The following PRKN variants were observed in gnomAD, a reference collection of about 807,000 sequenced individuals.
PRKN encodes E3 ubiquitin-protein ligase parkin.
In PRKN, 56 loss-of-function variants were observed where a neutral mutation model predicts 59.5. The observed-to-expected ratio is 0.94, with a 90% confidence interval of 0.76 to 1.18. The LOEUF is 1.18. Ranked by LOEUF, PRKN falls within the 50% of genes most tolerant of loss-of-function variation. The probability of loss-of-function intolerance (pLI) is 0.00; values close to 1 mark genes in which losing one functional copy is unlikely to be tolerated. For synonymous variants in PRKN, 250 were observed against 222.1 expected (o/e 1.13, Z -1.12); for missense variants, 657 against 596.4 (o/e 1.10, Z -1.06).
rs1784422742 is a variant in PRKN, at chr6:161,348,865, CT to C, written c.*1233del. On this transcript the variant is annotated 3_prime_UTR_variant, in exon 12 of 12. Coordinates refer to ENST00000366898, the MANE Select transcript of PRKN (RefSeq NM_004562.3). This position sits in a 1 kb window ranked among gnomAD's most constrained non-coding sequence, Gnocchi z 4.9. ...GTTTGCCGCATGCAGTGTTGTTAAT[CT>C]TTTGATTGTGTTGTGAATGGCTGAA... The C allele has an allele frequency of 4.8e-6, 1 of 206,320 alleles. No individual in the cohort carries two copies. The highest frequency in any genetic ancestry group is 6.0e-5 in the Admixed American group (1 of 16,772). The allele number at this position is 206,320 out of a possible 1,614,324, so 12.8% of individuals were successfully genotyped here. A position where few individuals can be genotyped will look rare whatever the true frequency, so the allele number is the denominator to read the frequency against.
chr6:161,507,117 T>C (rs1157547737), intron 9 of PRKN, among the ~76,000 whole-genome samples: 1 of 152,170 alleles, frequency 6.6e-6, no homozygotes, highest in Non-Finnish European at 1.5e-5. Context: ...ATTCCTCTCT[T>C]CCTAAACAAC....
At position 161,371,789 on chromosome 6, in the gene PRKN, C is replaced by A. The variant is rs890797519; in HGVS notation, c.1168-11584G>T. Among the ~76,000 whole-genome samples, 2 of 152,142 alleles carry A rather than the reference C, an allele frequency of 1.3e-5. No homozygotes were observed. The highest frequency in any genetic ancestry group is 1.5e-5 in the Non-Finnish European group (1 of 68,022). On this transcript the variant is annotated intron_variant, in intron 10 of 11. Transcript: ENST00000366898. The surrounding 1 kb of genome is among the most constrained non-coding windows in gnomAD (Gnocchi z 5.5). Reference sequence around the variant, plus strand: ...GAGTAGCTGGGATTACAGGCATGCACCACCCCACCTCGCTAATTTTTGTAT... The same window carrying A: ...GAGTAGCTGGGATTACAGGCATGCAACACCCCACCTCGCTAATTTTTGTAT...
chr6:162,292,746 T>C (rs1237428330), intron 2 of PRKN, among the ~76,000 whole-genome samples: 1 of 152,142 alleles, frequency 6.6e-6, no homozygotes, highest in African/African-American at 2.4e-5. Context: ...CCAGGATCAG[T>C]TCTTTCGGTA....
chr6:162,079,264 G>A (rs530403166), intron 4 of PRKN, among the ~76,000 whole-genome samples: 3 of 152,204 alleles, frequency 2.0e-5, no homozygotes, highest in South Asian at 2.1e-4. Context: ...AAGCAAGGAC[G>A]ATAGTTGGGA....
chr6:162,384,027 A>G (rs1231910470), intron 2 of PRKN, among the ~76,000 whole-genome samples: 1 of 152,216 alleles, frequency 6.6e-6, no homozygotes, highest in Non-Finnish European at 1.5e-5. Context: ...TCTTGGCTCA[A>G]TGGAATGTTG....
intron 1 of PRKN, among the ~76,000 whole-genome samples, chr6:162,474,795 G>A (rs1378568044): frequency 1.3e-5 from 2 of 152,108 alleles, no homozygotes; most frequent in African/African-American, 2.4e-5. Flanking sequence ...CAGAGATAAG[G>A]CTACTGAAAA....
At chr6:162,109,425 G>A (rs1302420859) in intron 4 of PRKN, among the ~76,000 whole-genome samples, 1 of 152,160 alleles carries the variant, frequency 6.6e-6, no homozygotes, top group East Asian at 1.9e-4. Context: ...CAGAAATTCA[G>A]GACTTTATAC....
chr6:161,537,731 G>A (rs574946006), intron 9 of PRKN, among the ~76,000 whole-genome samples: 132 of 152,310 alleles, frequency 8.7e-4, no homozygotes, highest in Non-Finnish European at 1.3e-3. Flanking sequence ...GATTACAGGC[G>A]TGAGCCACTG....
intron 5 of PRKN, among the ~76,000 whole-genome samples, chr6:162,035,757 A>G (rs2128280458): frequency 6.6e-6 from 1 of 152,322 alleles, no homozygotes; most frequent in Middle Eastern, 3.4e-3. Context: ...AAGACCCTCA[A>G]GGTTAATATA....
At chr6:161,931,993 T>C (rs1779184656) in intron 6 of PRKN, among the ~76,000 whole-genome samples, 2 of 152,202 alleles carry the variant, frequency 1.3e-5, no homozygotes, top group South Asian at 4.1e-4. Flanking sequence ...CTTAAGTGAA[T>C]GCTTTAGTGA....
intron 4 of PRKN, among the ~76,000 whole-genome samples, chr6:162,116,565 G>T (rs961195525): frequency 6.6e-6 from 1 of 152,188 alleles, no homozygotes; most frequent in Admixed American, 6.5e-5. Context: ...ACGAGAGCAC[G>T]TGTGTACATT....
chr6:161,826,981 C>T (rs1423532064), intron 6 of PRKN, among the ~76,000 whole-genome samples: 1 of 152,188 alleles, frequency 6.6e-6, no homozygotes, highest in Non-Finnish European at 1.5e-5. Context: ...TCCAAGTGTA[C>T]ACCTCATACC....
At chr6:161,880,572 A>G (rs1794896578) in intron 6 of PRKN, among the ~76,000 whole-genome samples, 1 of 152,110 alleles carries the variant, frequency 6.6e-6, no homozygotes, top group Non-Finnish European at 1.5e-5. Context: ...GGTCACAGCC[A>G]CCCTGCCTGG....
chr6:162,538,092 C>A (rs1039595858), intron 1 of PRKN, among the ~76,000 whole-genome samples: 2 of 152,170 alleles, frequency 1.3e-5, no homozygotes, highest in African/African-American at 4.8e-5. Flanking sequence ...TTTCAAAAGT[C>A]AAAGTTGGAA....
intron 2 of PRKN, among the ~76,000 whole-genome samples, chr6:162,442,055 T>C (rs1257122546): frequency 2.0e-5 from 3 of 151,596 alleles, no homozygotes; most frequent in Non-Finnish European, 4.4e-5. Context: ...ACTTCCCTTA[T>C]AAAACCAAAT....
intron 4 of PRKN, among the ~76,000 whole-genome samples, chr6:162,083,260 C>T (rs1330258119): frequency 6.6e-6 from 1 of 152,116 alleles, no homozygotes; most frequent in Non-Finnish European, 1.5e-5. Context: ...GATCCCCAAT[C>T]ACTCTAACAG....
chr6:162,273,000 A>G (rs1306464395), intron 2 of PRKN, among the ~76,000 whole-genome samples: 13 of 112,300 alleles, frequency 1.2e-4, no homozygotes, highest in African/African-American at 3.2e-4. Context: ...CCTGTGTCTG[A>G]AAAAAAAAAA....
chr6:162,049,081 A>T (rs1443702809), intron 5 of PRKN, among the ~76,000 whole-genome samples: 1 of 152,164 alleles, frequency 6.6e-6, no homozygotes, highest in Admixed American at 6.5e-5. Flanking sequence ...CTCTGTCTAA[A>T]GGAGAGTTAG....
At chr6:162,676,311 A>T (rs1779539909) in intron 1 of PRKN, among the ~76,000 whole-genome samples, 1 of 152,170 alleles carries the variant, frequency 6.6e-6, no homozygotes, top group South Asian at 2.1e-4. Flanking sequence ...TCTTAAGAAC[A>T]GATGTTTTGA....
Sources: allele counts gnomAD v4.1 joint callset (sites outside exome capture counted in the v4.1 genomes callset), GRCh38; gene constraint gnomAD v4.1.1; non-coding constraint Gnocchi (gnomAD v3.1); transcripts MANE v1.5; gene names NCBI Gene and HGNC (gene_info 2026-07-23, HGNC 2026-07-21).